RNLS: variants seen among roughly 807,000 people sequenced by gnomAD.
RNLS encodes renalase, FAD dependent amine oxidase.
RNLS carries 39 observed loss-of-function variants against 39.8 expected under a neutral mutation model. The observed-to-expected ratio is 0.98, with a 90% CI of 0.76 to 1.28. The LOEUF (loss-of-function observed/expected upper bound fraction) is 1.28, where lower values mean the gene tolerates loss of function less well. Among genes scored for constraint, RNLS ranks in the 50% most tolerant of loss-of-function variants. RNLS has a pLI of 0.00. For synonymous variants in RNLS, 147 were observed against 150.7 expected (o/e 0.98, Z 0.18); for missense variants, 410 against 413.3 (o/e 0.99, Z 0.07).
intron 6 of RNLS, among the ~76,000 whole-genome samples, chr10:88,307,550 C>A (rs984426489): frequency 2.0e-5 from 3 of 152,086 alleles, no homozygotes; most frequent in African/African-American, 7.2e-5. Context: ...AAGCCAAGGG[C>A]CAAATCAGGA....
At chr10:88,187,228 T>A in the RNLS span, among the ~76,000 whole-genome samples, 2 of 127,984 alleles carry the variant, frequency 1.6e-5, no homozygotes, top group South Asian at 4.8e-4. Flanking sequence ...ATAGGACTTG[T>A]GCATCCCATG....
intron 4 of RNLS, among the ~76,000 whole-genome samples, chr10:88,544,292 G>A (rs1226342850): frequency 6.6e-6 from 1 of 152,088 alleles, no homozygotes; most frequent in Non-Finnish European, 1.5e-5. Context: ...AAAAGTACCT[G>A]GTGGAATAAG....
chr10:88,563,933 GC>G (rs1849342978), intron 4 of RNLS, among the ~76,000 whole-genome samples: 1 of 152,080 alleles, frequency 6.6e-6, no homozygotes, highest in African/African-American at 2.4e-5. Flanking sequence ...AAATAAAGTA[GC>G]ATTTCCTTAA....
At chr10:88,557,053 G>GAA (rs112214478) in intron 4 of RNLS, among the ~76,000 whole-genome samples, 2 of 148,090 alleles carry the variant, frequency 1.4e-5, no homozygotes, top group African/African-American at 5.0e-5. Context: ...TCTGTAAAAT[G>GAA]AAAAAAAAAT....
Position 88,456,315 on chromosome 10 carries a change from TATATG to T in RNLS, c.527-93595_527-93591del, listed in dbSNP as rs779544754. On this transcript the variant is annotated intron_variant, in intron 4 of 6. Transcript: ENST00000331772. ...TATTACAACTTTCCTTAATTTTATA[TATATG>T]ATATATTTTATTTCTATCATATATT... is the stretch of plus-strand genomic sequence containing the variant. Among the ~76,000 whole-genome samples, 220 of 151,252 alleles carry T rather than the reference TATATG, an allele frequency of 1.5e-3. 1 individual carries two copies. Among genetic ancestry groups the T allele is most frequent in the Middle Eastern group, 3.5e-3 (1 of 288 alleles).
chr10:88,505,186 T>C (rs1045457720), intron 4 of RNLS, among the ~76,000 whole-genome samples: 4 of 151,796 alleles, frequency 2.6e-5, no homozygotes, highest in Non-Finnish European at 5.9e-5. Flanking sequence ...AAGGTAAGAT[T>C]TGAATACCTT....
At chr10:88,364,946 A>G (rs888908042) in intron 4 of RNLS, among the ~76,000 whole-genome samples, 1 of 152,160 alleles carries the variant, frequency 6.6e-6, no homozygotes, top group Non-Finnish European at 1.5e-5. Flanking sequence ...CTACTTAGTA[A>G]CTGAAAGGGC....
At chr10:88,282,651 G>A (rs1843064764), downstream of RNLS, among the ~76,000 whole-genome samples, 1 of 151,986 alleles carries the variant, frequency 6.6e-6, no homozygotes, top group Admixed American at 6.6e-5. Flanking sequence ...ATGACTCAAC[G>A]AAGTGTCTTC....
downstream of RNLS, chr10:88,284,009 TAAC>T (rs1564659505): frequency 4.3e-6 from 2 of 469,790 alleles, no homozygotes; most frequent in African/African-American, 4.3e-5. Flanking sequence ...TGGGCGAAAA[TAAC>T]AAAAAATCAC....
At chr10:88,510,412 C>T (rs1240663081) in intron 4 of RNLS, among the ~76,000 whole-genome samples, 2 of 151,986 alleles carry the variant, frequency 1.3e-5, no homozygotes, top group Non-Finnish European at 2.9e-5. Flanking sequence ...TTAAAAACTC[C>T]ACTGACTCAC....
At chr10:88,342,646 G>T (rs55894538) in intron 5 of RNLS, among the ~76,000 whole-genome samples, 36,493 of 151,968 alleles carry the variant, frequency 0.24, 4,817 homozygotes, top group Non-Finnish European at 0.28. Flanking sequence ...TAAAATATAA[G>T]TATAAAATAA....
At position 88,580,628 on chromosome 10, in the gene RNLS, G is replaced by A. The variant is rs544401368; in HGVS notation, c.367+939C>T. On this transcript the variant is annotated intron_variant, in intron 3 of 6. Transcript: ENST00000331772. ...TTTTTAAAAGGTCCATTTTCAAAAC[G>A]CTCATAAAATATATAAGGAACAAAT... Among the ~76,000 whole-genome samples the A allele has an allele frequency of 1.2e-4, 18 of 151,966 alleles. No individual in the cohort carries two copies. In the South Asian group the frequency reaches 1.9e-3, roughly 16 times the overall value.
intron 4 of RNLS, among the ~76,000 whole-genome samples, chr10:88,403,516 TG>T (rs1399567944): frequency 6.6e-6 from 1 of 152,092 alleles, no homozygotes; most frequent in Non-Finnish European, 1.5e-5. Context: ...CAAATAATTT[TG>T]GGTCACATTG....
intron 4 of RNLS, among the ~76,000 whole-genome samples, chr10:88,402,219 C>T (rs1157038685): frequency 6.6e-6 from 1 of 151,918 alleles, no homozygotes; most frequent in Non-Finnish European, 1.5e-5. Flanking sequence ...ACCAACTGAG[C>T]AGCAGAATAA....
At chr10:88,349,257 T>C (rs542925621) in intron 5 of RNLS, among the ~76,000 whole-genome samples, 1 of 152,294 alleles carries the variant, frequency 6.6e-6, no homozygotes, top group Non-Finnish European at 1.5e-5. Flanking sequence ...CTACTTTCAT[T>C]CCATCTCTGG....
chr10:88,388,210 C>T (rs1193686022), intron 4 of RNLS, among the ~76,000 whole-genome samples: 1 of 152,138 alleles, frequency 6.6e-6, no homozygotes, highest in Non-Finnish European at 1.5e-5. Context: ...TTTAATTTAT[C>T]AGCAAGTCCT....
chr10:88,357,881 C>G (rs1215951061), intron 5 of RNLS, among the ~76,000 whole-genome samples: 1 of 152,172 alleles, frequency 6.6e-6, no homozygotes, highest in Non-Finnish European at 1.5e-5. Context: ...ATGGATGGAG[C>G]CTGGGTTCCT....
At chr10:88,364,310 T>G (rs2133379997) in intron 4 of RNLS, among the ~76,000 whole-genome samples, 1 of 152,054 alleles carries the variant, frequency 6.6e-6, no homozygotes, top group African/African-American at 2.4e-5. Context: ...AGAAGTGGCT[T>G]TAGGAGGTAG....
intron 5 of RNLS, among the ~76,000 whole-genome samples, chr10:88,331,541 CAG>C (rs1382796219): frequency 6.6e-6 from 1 of 152,116 alleles, no homozygotes; most frequent in African/African-American, 2.4e-5. Context: ...AAAGTAATAA[CAG>C]AATCATTATC....
Sources: allele counts gnomAD v4.1 joint callset (sites outside exome capture counted in the v4.1 genomes callset), GRCh38; gene constraint gnomAD v4.1.1; transcripts MANE v1.5; gene names NCBI Gene and HGNC (gene_info 2026-07-23, HGNC 2026-07-21).